Variants in HEATR5A observed in about 807,000 individuals in gnomAD.
HEATR5A encodes the protein HEAT repeat-containing protein 5A.
A neutral mutation model predicts 218.8 loss-of-function variants in HEATR5A; 178 were observed. The ratio of observed to expected loss-of-function variants is 0.81; its 90% CI spans 0.72 to 0.92. HEATR5A has a LOEUF of 0.92. Among genes scored for constraint, HEATR5A ranks in the 40% least tolerant of loss-of-function variants. The pLI is 0.00. For missense variants in HEATR5A, 2,420 were observed against 2,418.9 expected (o/e 1.00, Z -0.01); for synonymous variants, 864 against 871.6 (o/e 0.99, Z 0.15).
At chr14:31,300,921 AT>A (rs893207527) in intron 33 of HEATR5A, among the ~76,000 whole-genome samples, 8 of 151,610 alleles carry the variant, frequency 5.3e-5, no homozygotes, top group African/African-American at 1.7e-4. Context: ...ACCAGTTAGA[AT>A]TTTTTTTTAT....
At position 31,359,112 on chromosome 14, in the gene HEATR5A, T is replaced by C. The variant is rs775697446; in HGVS notation, c.2072-55A>G. The C allele has an allele frequency of 9.5e-4, 1,455 of 1,534,330 alleles. 3 individuals carry two copies. The highest frequency in any genetic ancestry group is 1.1e-3 in the Non-Finnish European group (1,282 of 1,146,114). ...TACTATTAATTATCTGGTGAGAGTA[T>C]GGGATTTAAAACTCAGGTTGAGCTT... On this transcript the variant is annotated intron_variant, in intron 14 of 35. Transcript: ENST00000543095.
chr14:31,305,064 A>T lies in HEATR5A; in HGVS notation c.5080T>A (p.Cys1694Ser), dbSNP rs1427027359. The change falls in exon 32 of 36, where the codon TGC becomes AGC. Residue 1694 changes from cysteine to serine, a missense_variant. Cys to Ser is a moderately radical substitution (Grantham distance 112). Coordinates refer to ENST00000543095, the MANE Select transcript of HEATR5A (RefSeq NM_015473.4). ...LVFATLELCV[C>S]ILVRQLPELN... ...TCTGGGAGCTGTCTAACTAGAATGCATACACACAATTCCAGTGTTGCAAAG... is the reference window on the plus strand; with the variant it reads ...TCTGGGAGCTGTCTAACTAGAATGCTTACACACAATTCCAGTGTTGCAAAG... 6.2e-7 allele frequency: 1 copy of T among 1,613,986 alleles called. No individual in the cohort carries two copies. Among genetic ancestry groups the T allele is most frequent in the Non-Finnish European group, 8.5e-7 (1 of 1,179,882 alleles).
intron 5 of HEATR5A, among the ~76,000 whole-genome samples, chr14:31,394,763 A>T (rs1473501744): frequency 1.3e-5 from 2 of 152,194 alleles, no homozygotes; most frequent in African/African-American, 4.8e-5. Context: ...GCTTGCAGTG[A>T]GCCGAGATCG....
At chr14:31,393,080 T>C (rs1297638875) in intron 6 of HEATR5A, among the ~76,000 whole-genome samples, 3 of 152,140 alleles carry the variant, frequency 2.0e-5, no homozygotes, top group Non-Finnish European at 4.4e-5. Flanking sequence ...ATATGCTCCA[T>C]TGTACCAATC....
At chr14:31,414,286 G>A (rs1038213851) in intron 1 of HEATR5A, among the ~76,000 whole-genome samples, 15 of 152,038 alleles carry the variant, frequency 9.9e-5, no homozygotes, top group African/African-American at 3.6e-4. Context: ...TCCAGTAACA[G>A]GAAGTAAAAA....
Position 31,364,269 on chromosome 14 carries a change from C to T in HEATR5A, c.1991G>A (p.Ser664Asn). 21 of 1,544,598 alleles carry T rather than the reference C, an allele frequency of 1.4e-5. No homozygotes were observed. The highest frequency in any genetic ancestry group is 1.8e-5 in the Non-Finnish European group (21 of 1,140,062). ...AACCACTGACGGTGTTTTCAAAGGA[C>T]TTCCATACATTTTTAGTATTGAAGA... ...QLSSILKMYG[S>N]PLKTPSVVYR... Residue 664 changes from serine (S) to asparagine (N), a missense_variant, in exon 14 of 36, where the codon AGT becomes AAT. By Grantham distance (46) the Ser-to-Asn change is conservative. Transcript: ENST00000543095.
intron 25 of HEATR5A, 66 bp downstream of exon 25, chr14:31,321,433 T>C (rs1900104024): frequency 2.3e-6 from 3 of 1,305,186 alleles, no homozygotes; most frequent in Non-Finnish European, 3.1e-6. Flanking sequence ...TGAGCCACCA[T>C]GCCTGGCCTC....
intron 33 of HEATR5A, among the ~76,000 whole-genome samples, chr14:31,300,187 A>C (rs1899323801): frequency 6.6e-6 from 1 of 152,080 alleles, no homozygotes; most frequent in Non-Finnish European, 1.5e-5. Flanking sequence ...ACACTCTTCC[A>C]TCCAAATCCA....
intron 11 of HEATR5A, among the ~76,000 whole-genome samples, chr14:31,377,577 T>A (rs2139265737): frequency 1.3e-5 from 2 of 152,010 alleles, no homozygotes; most frequent in South Asian, 4.2e-4. Context: ...CCTGCTTGAG[T>A]CCAGGAGTTT....
chr14:31,415,786 T>C (rs1454433273), intron 1 of HEATR5A, among the ~76,000 whole-genome samples: 2 of 152,200 alleles, frequency 1.3e-5, no homozygotes, highest in Non-Finnish European at 2.9e-5. Context: ...ATTCAACATG[T>C]AGAAACCTCC....
At chr14:31,337,254 C>T (rs1258409791) in intron 22 of HEATR5A, among the ~76,000 whole-genome samples, 1 of 152,184 alleles carries the variant, frequency 6.6e-6, no homozygotes, top group Non-Finnish European at 1.5e-5. Flanking sequence ...GCATTTCTAA[C>T]AAGTTCCCAG....
In HEATR5A at chr14:31,395,191, C is replaced by A; in HGVS notation, c.597+8G>T. On this transcript the variant is annotated splice_region_variant and intron_variant, in intron 5 of 35. Coordinates refer to ENST00000543095, the MANE Select transcript of HEATR5A (RefSeq NM_015473.4). ...AATTTTTAAAGTCTGCTTATTAGAT[C>A]ATTTTACCTTTGCAGCAGCACAACG... The A allele has an allele frequency of 2.7e-6, 4 of 1,490,500 alleles. No individual in the cohort carries two copies. The South Asian group carries it at 5.2e-5, about 19-fold the overall frequency. The allele number at this position is 1,490,500 out of a possible 1,614,324, so 92.3% of individuals were successfully genotyped here. A position where few individuals can be genotyped will look rare whatever the true frequency, so the allele number is the denominator to read the frequency against.
At chr14:31,397,931 G>A (rs1376392437) in intron 4 of HEATR5A, among the ~76,000 whole-genome samples, 1 of 152,146 alleles carries the variant, frequency 6.6e-6, no homozygotes, top group Non-Finnish European at 1.5e-5. Context: ...GAGATCACAG[G>A]TGCGAACTAC....
chr14:31,321,347 T>G (rs980917774), intron 25 of HEATR5A, among the ~76,000 whole-genome samples, 152 bp downstream of exon 25: 1 of 152,114 alleles, frequency 6.6e-6, no homozygotes, highest in Admixed American at 6.6e-5. Flanking sequence ...GGTTTCGTCA[T>G]GCTGCCCGGT....
At chr14:31,351,023 C>T (rs1280644545) in intron 16 of HEATR5A, among the ~76,000 whole-genome samples, 11 of 152,142 alleles carry the variant, frequency 7.2e-5, no homozygotes, top group Non-Finnish European at 1.0e-4. Flanking sequence ...TCAAGTGATC[C>T]GCCCACCTTG....
At chr14:31,339,359 A>G (rs1424433152) in intron 21 of HEATR5A, among the ~76,000 whole-genome samples, 2 of 144,288 alleles carry the variant, frequency 1.4e-5, no homozygotes, top group African/African-American at 5.1e-5. Flanking sequence ...CTGAGGCAGG[A>G]GAATCGCTTG....
chr14:31,304,823 A>G (rs1158806604), intron 32 of HEATR5A, 82 bp downstream of exon 32: 47 of 1,403,892 alleles, frequency 3.3e-5, no homozygotes, highest in Non-Finnish European at 4.3e-5. Context: ...TTAAAAAGAA[A>G]AAGATTAGCA....
intron 21 of HEATR5A, chr14:31,340,603 T>C: frequency 2.0e-6 from 1 of 494,410 alleles, no homozygotes; most frequent in Middle Eastern, 4.4e-4. Flanking sequence ...TTGGCTTAGC[T>C]TCAGCTTAAA....
intron 28 of HEATR5A, among the ~76,000 whole-genome samples, chr14:31,312,275 A>G (rs1461527747): frequency 6.6e-6 from 1 of 152,248 alleles, no homozygotes; most frequent in African/African-American, 2.4e-5. Context: ...TATTTATGGA[A>G]GAAACAACTT....
Sources: gnomAD v4.1 joint callset for allele counts (sites outside exome capture counted in the v4.1 genomes callset) on GRCh38, gnomAD v4.1.1 for gene constraint, MANE v1.5 for transcripts, NCBI Gene and HGNC (gene_info 2026-07-23, HGNC 2026-07-21) for gene names.